TBC1D22A: variants seen among roughly 807,000 people sequenced by gnomAD.
TBC1D22A encodes putative GTPase activator.
Under a neutral mutation model 60.2 loss-of-function variants are expected in TBC1D22A, and 38 were observed. The ratio of observed to expected loss-of-function variants is 0.63; its 90% CI spans 0.49 to 0.83. TBC1D22A has a LOEUF of 0.83. Among genes scored for constraint, TBC1D22A ranks in the 40% least tolerant of loss-of-function variants. The pLI is 0.00. For missense variants in TBC1D22A, 628 were observed against 701.0 expected (o/e 0.90, Z 1.18); for synonymous variants, 302 against 281.7 (o/e 1.07, Z -0.72).
chr22:46,806,746 C>T (rs997204518), intron 4 of TBC1D22A, among the ~76,000 whole-genome samples: 1 of 152,162 alleles, frequency 6.6e-6, no homozygotes, highest in African/African-American at 2.4e-5. Context: ...AGTTGTCACC[C>T]AAGCCTGAGG....
chr22:47,109,075 G>A (rs1288414166), intron 11 of TBC1D22A, among the ~76,000 whole-genome samples: 1 of 152,214 alleles, frequency 6.6e-6, no homozygotes, highest in Non-Finnish European at 1.5e-5. Flanking sequence ...AAACTGATAG[G>A]TAGTTTTAGT....
At chr22:47,058,090 C>T (rs1211465982) in intron 11 of TBC1D22A, among the ~76,000 whole-genome samples, 1 of 152,174 alleles carries the variant, frequency 6.6e-6, no homozygotes, top group South Asian at 2.1e-4. Context: ...CAAGGACTGC[C>T]CAGCAGATCT....
chr22:46,953,159 C>T (rs1253307755), intron 8 of TBC1D22A, among the ~76,000 whole-genome samples: 1 of 152,158 alleles, frequency 6.6e-6, no homozygotes, highest in African/African-American at 2.4e-5. Flanking sequence ...TTCTGTTTTC[C>T]ACATTTAATT....
At chr22:46,774,260 C>A (rs1038473603) in intron 1 of TBC1D22A, 3 of 985,532 alleles carry the variant, frequency 3.0e-6, no homozygotes, top group Non-Finnish European at 3.6e-6. Flanking sequence ...CTAGGTCCCC[C>A]CTGGTGTTCT....
rs539996657 is a variant in TBC1D22A at position 47,037,505 on chromosome 22, A to T, written c.1329+307A>T. Among the ~76,000 whole-genome samples the T allele has an allele frequency of 3.9e-5, 6 of 152,122 alleles. No homozygotes were observed. The South Asian group carries it at 1.2e-3, about 32-fold the overall frequency. ...AAATTAGCCAAGTGTGGTGGCCCACACCTGTATTCTTAGCTACTCAGAGGC... is the reference window on the plus strand; with the variant it reads ...AAATTAGCCAAGTGTGGTGGCCCACTCCTGTATTCTTAGCTACTCAGAGGC... On this transcript the variant is annotated intron_variant, in intron 11 of 12. Transcript: ENST00000337137.
chr22:46,774,750 T>G (rs1362950610), intron 1 of TBC1D22A, among the ~76,000 whole-genome samples: 1 of 152,170 alleles, frequency 6.6e-6, no homozygotes, highest in Non-Finnish European at 1.5e-5. Flanking sequence ...CCCTGATATT[T>G]CTGGGCCCCC....
In TBC1D22A at chr22:47,035,198, A is replaced by G. The variant is rs376938524; in HGVS notation, c.1202-1873A>G. Among the ~76,000 whole-genome samples, 45 of 152,324 alleles carry G rather than the reference A, an allele frequency of 3.0e-4. No homozygotes were observed. The East Asian group carries it at 7.5e-3, about 25-fold the overall frequency. On this transcript the variant is annotated intron_variant, in intron 10 of 12. Coordinates refer to ENST00000337137, the MANE Select transcript of TBC1D22A (RefSeq NM_014346.5). ...CTGCCCTGCAGGCTGCTCTGCTGCC[A>G]GGGACCCCCACCCCCGCCTGCCTCC...
intron 12 of TBC1D22A, among the ~76,000 whole-genome samples, chr22:47,172,358 A>G (rs1906156372): frequency 6.6e-6 from 1 of 152,230 alleles, no homozygotes; most frequent in Admixed American, 6.5e-5. Context: ...AATTTGTACT[A>G]TGTGAATTCA....
intron 6 of TBC1D22A, among the ~76,000 whole-genome samples, chr22:46,894,098 G>A (rs2068546065): frequency 6.6e-6 from 1 of 152,164 alleles, no homozygotes; most frequent in Non-Finnish European, 1.5e-5. Flanking sequence ...CAGTCCATTG[G>A]TGCCGTTGTC....
chr22:46,789,417 G>A (rs1213667518), intron 1 of TBC1D22A: 3 of 450,560 alleles, frequency 6.7e-6, no homozygotes, highest in African/African-American at 6.1e-5. Context: ...CCTGTGACAT[G>A]CTCTTGTAGG....
At chr22:46,904,134 T>TACCTAC (rs1555937381) in intron 7 of TBC1D22A, among the ~76,000 whole-genome samples, 19 of 66,508 alleles carry the variant, frequency 2.9e-4, no homozygotes, top group African/African-American at 1.4e-3. Context: ...TATCTATCTA[T>TACCTAC]CTATCTATCT....
rs554425755 is a variant in TBC1D22A, at chr22:47,169,053, G to A, written c.1426-4445G>A. Among the ~76,000 whole-genome samples, 14 of 152,344 alleles carry A rather than the reference G, an allele frequency of 9.2e-5. 1 individual carries two copies. Among genetic ancestry groups the A allele is most frequent in the South Asian group, 6.2e-4 (3 of 4,828 alleles). The stretch of plus-strand genomic sequence containing the variant: ...CCGGGGCAGGAGTGAGCGGCATGGC[G>A]GCTTCTGTCTAAGTGTGGTCCACTG... On this transcript the variant is annotated intron_variant, in intron 12 of 12. Transcript: ENST00000337137.
intron 10 of TBC1D22A, among the ~76,000 whole-genome samples, chr22:47,017,185 A>G (rs562623726): frequency 6.6e-6 from 1 of 152,260 alleles, no homozygotes; most frequent in South Asian, 2.1e-4. Flanking sequence ...GAGACCTTTT[A>G]AGGATTTTTT....
intron 5 of TBC1D22A, among the ~76,000 whole-genome samples, chr22:46,879,583 G>T (rs368417178): frequency 1.3e-5 from 2 of 152,284 alleles, no homozygotes; most frequent in East Asian, 3.9e-4. Flanking sequence ...TCTGAACAGC[G>T]AATATTTATT....
At chr22:47,031,367 C>CT (rs1433124058) in intron 10 of TBC1D22A, among the ~76,000 whole-genome samples, 1 of 152,238 alleles carries the variant, frequency 6.6e-6, no homozygotes, top group Non-Finnish European at 1.5e-5. Flanking sequence ...TGTAGCTTTG[C>CT]TTTCAGAGGC....
chr22:46,941,706 C>CGGAATGTATATAT (rs2072131247), intron 8 of TBC1D22A, among the ~76,000 whole-genome samples: 1 of 65,098 alleles, frequency 1.5e-5, no homozygotes, highest in African/African-American at 9.0e-5. Flanking sequence ...ATTATATATG[C>CGGAATGTATATAT]GGAATATATA....
chr22:46,846,175 T>C (rs1172516429), intron 4 of TBC1D22A, among the ~76,000 whole-genome samples: 28 of 152,232 alleles, frequency 1.8e-4, no homozygotes, highest in Admixed American at 1.8e-3. Flanking sequence ...CCCTCTCCTG[T>C]TACTCATCTA....
chr22:46,889,004 A>G (rs73470844), intron 5 of TBC1D22A, among the ~76,000 whole-genome samples: 6,781 of 152,258 alleles, frequency 0.045, 473 homozygotes, highest in African/African-American at 0.15. Context: ...GCGTCTGTCC[A>G]AAAATCTTTT....
At chr22:47,111,697 G>A (rs192263452) in intron 12 of TBC1D22A, 94 bp downstream of exon 12, 2 of 1,179,512 alleles carry the variant, frequency 1.7e-6, no homozygotes, top group East Asian at 2.5e-5. Context: ...TTGTGGAAGA[G>A]TTTTGAGAAG....
Sources: allele counts gnomAD v4.1 joint callset (sites outside exome capture counted in the v4.1 genomes callset), GRCh38; gene constraint gnomAD v4.1.1; transcripts MANE v1.5; gene names NCBI Gene and HGNC (gene_info 2026-07-23, HGNC 2026-07-21).